Variants in CPNE4 observed in about 807,000 individuals in gnomAD.
CPNE4 encodes the protein copine 4, also known as copine-4.
In CPNE4, 25 loss-of-function variants were observed where a neutral mutation model predicts 67.9. The observed-to-expected ratio is 0.37, with a 90% CI of 0.27 to 0.51. The LOEUF (loss-of-function observed/expected upper bound fraction) is 0.51, where lower values mean the gene tolerates loss of function less well. Among genes scored for constraint, CPNE4 ranks in the 20% least tolerant of loss-of-function variants. CPNE4 has a pLI of 0.93. For synonymous variants in CPNE4, 242 were observed against 244.9 expected (o/e 0.99, Z 0.11); for missense variants, 464 against 690.8 (o/e 0.67, Z 3.68).
chr3:131,693,903 G>A (rs1181631355), intron 5 of CPNE4, among the ~76,000 whole-genome samples: 3 of 152,112 alleles, frequency 2.0e-5, no homozygotes, highest in Non-Finnish European at 4.4e-5. Context: ...TCCCTCTCTT[G>A]CACTGATTTT....
chr3:131,845,217 CCAT>C (rs1420485277), intron 2 of CPNE4, among the ~76,000 whole-genome samples: 2 of 152,196 alleles, frequency 1.3e-5, no homozygotes, highest in Non-Finnish European at 2.9e-5. Context: ...TAACCACCCA[CCAT>C]CATCAACTTA....
chr3:132,023,306 A>G (rs1186831485), intron 1 of CPNE4, among the ~76,000 whole-genome samples: 1 of 152,136 alleles, frequency 6.6e-6, no homozygotes. Flanking sequence ...AAACTCAAAC[A>G]CAATGCTGCT....
chr3:131,840,061 G>T (rs2108015968), intron 2 of CPNE4, among the ~76,000 whole-genome samples: 1 of 152,258 alleles, frequency 6.6e-6, no homozygotes, highest in East Asian at 1.9e-4. Flanking sequence ...GCATGAGGGA[G>T]AACTTGGTGA....
chr3:131,882,936 CTCG>C (rs2087737520), intron 2 of CPNE4, among the ~76,000 whole-genome samples: 3 of 152,024 alleles, frequency 2.0e-5, no homozygotes, highest in African/African-American at 7.2e-5. Flanking sequence ...CCAGGATGGT[CTCG>C]ATCTCCTGAC....
chr3:131,575,029 T>C (rs765080671), intron 10 of CPNE4, 42 bp downstream of exon 10: 3 of 1,571,310 alleles, frequency 1.9e-6, no homozygotes, highest in South Asian at 1.1e-5. Flanking sequence ...CATCTCTTGA[T>C]TCCTGAATAA....
At chr3:131,846,572 G>C (rs2086005547) in intron 2 of CPNE4, among the ~76,000 whole-genome samples, 1 of 152,138 alleles carries the variant, frequency 6.6e-6, no homozygotes, top group Non-Finnish European at 1.5e-5. Context: ...GGTGCTAAGG[G>C]TTTGAACTGC....
upstream of CPNE4, chr3:132,037,837 T>G: frequency 1.9e-6 from 1 of 517,194 alleles, no homozygotes; most frequent in Non-Finnish European, 3.5e-6. Context: ...GAAATGTGGA[T>G]TCTTACCAAT....
rs1288499892 is a variant in CPNE4, at chr3:131,799,931, G to GT, written c.181-76307dup. Among the ~76,000 whole-genome samples the GT allele has an allele frequency of 2.4e-3, 344 of 144,550 alleles. 3 individuals are homozygous for GT. Among genetic ancestry groups the GT allele is most frequent in the African/African-American group, 9.2e-3 (326 of 35,570 alleles). 94.8% of individuals were successfully genotyped at this position (144,550 alleles called of 152,430 possible). ...GTGTGTGTGTGTGTTGTGTGTGTGT[G>GT]TGTGTGTGTGTGTGTGTGTGTGTGT... On this transcript the variant is annotated intron_variant, in intron 2 of 15. Transcript: ENST00000429747.
intron 2 of CPNE4, among the ~76,000 whole-genome samples, chr3:131,725,012 A>G (rs2081970550): frequency 6.6e-6 from 1 of 152,188 alleles, no homozygotes; most frequent in South Asian, 2.1e-4. Flanking sequence ...CTATTTTACA[A>G]ATCAACTGGA....
intron 2 of CPNE4, among the ~76,000 whole-genome samples, chr3:131,750,546 T>C (rs1036885046): frequency 6.6e-6 from 1 of 152,160 alleles, no homozygotes; most frequent in Non-Finnish European, 1.5e-5. Context: ...CCAGATCAAG[T>C]GACATAATGG....
At chr3:131,661,722 C>T (rs1307666298) in intron 7 of CPNE4, among the ~76,000 whole-genome samples, 5 of 152,124 alleles carry the variant, frequency 3.3e-5, no homozygotes, top group African/African-American at 1.2e-4. Flanking sequence ...ACCAGATCTC[C>T]AGAAAACTCA....
chr3:131,694,961 T>TGG (rs1482348436), intron 5 of CPNE4, among the ~76,000 whole-genome samples: 1 of 152,216 alleles, frequency 6.6e-6, no homozygotes, highest in Non-Finnish European at 1.5e-5. Context: ...ACAGAATAGA[T>TGG]TGTTTACCAT....
At chr3:131,598,770 G>C (rs1024766286) in intron 7 of CPNE4, among the ~76,000 whole-genome samples, 1 of 150,872 alleles carries the variant, frequency 6.6e-6, no homozygotes, top group South Asian at 2.1e-4. Flanking sequence ...CTAATTCTAC[G>C]ATGTCCAACC....
intron 2 of CPNE4, among the ~76,000 whole-genome samples, chr3:131,742,325 T>C (rs2082378073): frequency 1.3e-5 from 2 of 152,162 alleles, no homozygotes; most frequent in African/African-American, 4.8e-5. Flanking sequence ...GACTAAGACT[T>C]GGACTGGAAT....
chr3:131,986,657 G>C (rs780285804), intron 1 of CPNE4, among the ~76,000 whole-genome samples: 10 of 152,032 alleles, frequency 6.6e-5, no homozygotes, highest in Non-Finnish European at 1.5e-4. Flanking sequence ...CAGCACTTTG[G>C]GAGGCCAGGC....
chr3:131,726,569 C>T (rs147105356), intron 2 of CPNE4, among the ~76,000 whole-genome samples: 1 of 152,052 alleles, frequency 6.6e-6, no homozygotes, highest in East Asian at 1.9e-4. Context: ...ATGGAAGATG[C>T]ATTATTTTTT....
In CPNE4 at chr3:131,555,485, C is replaced by T. The variant is rs375925943; in HGVS notation, c.1116+12G>A. The stretch of plus-strand genomic sequence containing the variant: ...AGTGAAGTGGAAGAAGATCACATCT[C>T]CACTCACTCACCGTGTACTCTGGAG... On this transcript the variant is annotated intron_variant, in intron 12 of 15. Transcript: ENST00000429747. 6.2e-7 allele frequency: 1 copy of T among 1,611,064 alleles called. No homozygotes were observed. The highest frequency in any genetic ancestry group is 1.7e-5 in the Admixed American group (1 of 59,772).
At chr3:131,743,871 G>C (rs1040522407) in intron 2 of CPNE4, among the ~76,000 whole-genome samples, 84 of 142,938 alleles carry the variant, frequency 5.9e-4, no homozygotes, top group African/African-American at 2.0e-3. Flanking sequence ...GCTGAGGCAG[G>C]AGAATGGCGT....
At chr3:131,582,211 G>T (rs1937885384) in intron 8 of CPNE4, among the ~76,000 whole-genome samples, 1 of 152,206 alleles carries the variant, frequency 6.6e-6, no homozygotes, top group African/African-American at 2.4e-5. Flanking sequence ...AATTAACATA[G>T]AACTTCATGG....
Sources: allele counts gnomAD v4.1 joint callset (sites outside exome capture counted in the v4.1 genomes callset), GRCh38; gene constraint gnomAD v4.1.1; transcripts MANE v1.5; gene names NCBI Gene and HGNC (gene_info 2026-07-23, HGNC 2026-07-21).